The following SH3D19 variants were observed in gnomAD, a reference collection of about 807,000 sequenced individuals.
SH3D19 encodes the protein SH3 domain containing 19.
In SH3D19, 58 loss-of-function variants were observed where a neutral mutation model predicts 112.1. That is an observed-to-expected ratio of 0.52 (90% CI 0.42 to 0.64). The LOEUF is 0.64. Among genes scored for constraint, SH3D19 ranks in the 30% least tolerant of loss-of-function variants. The pLI, the probability that SH3D19 is intolerant of heterozygous loss-of-function variation, is 0.00. For synonymous variants in SH3D19, 391 were observed against 448.5 expected, an observed-to-expected ratio of 0.87 and a Z score of 1.62; for missense variants, 1,090 against 1,263.4, an observed-to-expected ratio of 0.86 and a Z score of 2.08.
At chr4:151,282,127 C>T in intron 1 of SH3D19, 3 of 1,611,558 alleles carry the variant, frequency 1.9e-6, no homozygotes, top group Non-Finnish European at 2.5e-6. Context: ...CATAAGCAGG[C>T]CTCCTTTCTT....
In SH3D19 at chr4:151,121,259, G is replaced by T. The variant is rs141403048; in HGVS notation, c.*832C>A. 5.5e-3 allele frequency: 844 copies of T among 152,684 alleles called. 1 individual carries two copies. The highest frequency in any genetic ancestry group is 0.014 in the Middle Eastern group (4 of 294). 9.5% of individuals were successfully genotyped at this position (152,684 alleles called of 1,614,324 possible). A position where few individuals can be genotyped will look rare whatever the true frequency, so the allele number is the denominator to read the frequency against. ...ATTACTGGAATAATGCAAAGAAAATGAATTTTCCTTTGGGTCCAGTAATTG... is the reference window on the plus strand; with the variant it reads ...ATTACTGGAATAATGCAAAGAAAATTAATTTTCCTTTGGGTCCAGTAATTG... On this transcript the variant is annotated 3_prime_UTR_variant, in exon 20 of 20. Coordinates refer to ENST00000604030, the MANE Select transcript of SH3D19 (RefSeq NM_001378122.1).
chr4:151,261,881 G>C (rs762774244), intron 1 of SH3D19, among the ~76,000 whole-genome samples: 2 of 152,064 alleles, frequency 1.3e-5, no homozygotes, highest in Non-Finnish European at 2.9e-5. Context: ...GGTGGATAGG[G>C]GAAGGAGACA....
intron 1 of SH3D19, among the ~76,000 whole-genome samples, chr4:151,238,476 T>C (rs74664063): frequency 0.1 from 15,222 of 152,266 alleles, 1,498 homozygotes; most frequent in African/African-American, 0.25. Context: ...CCACTTTTTA[T>C]TGTCTTCTCT....
chr4:151,236,651 T>C lies in SH3D19; in HGVS notation c.113-10565A>G, dbSNP rs1004507640. ...GACTTGGAGAACTTTTGTGTCTAGC[T>C]AAAGGATTGTAAATGCACCAATCAG... On this transcript the variant is annotated intron_variant, in intron 1 of 19. Coordinates refer to ENST00000604030, the MANE Select transcript of SH3D19 (RefSeq NM_001378122.1). Among the ~76,000 whole-genome samples, 4 of 152,048 alleles carry C rather than the reference T, an allele frequency of 2.6e-5. No individual in the cohort carries two copies. The South Asian group carries it at 8.3e-4, about 32-fold the overall frequency.
rs70941490 is a variant in SH3D19 at position 151,256,694 on chromosome 4, G to GTT, written c.113-30610_113-30609dup. ...GTGTATGGTACACTTTTGTTTTGTTGTTTTTTTTTTTTTTTGGCTTGGCCT... is the reference window on the plus strand; with the variant it reads ...GTGTATGGTACACTTTTGTTTTGTTGTTTTTTTTTTTTTTTTTGGCTTGGCCT... On this transcript the variant is annotated intron_variant, in intron 1 of 19. Transcript: ENST00000604030. Among the ~76,000 whole-genome samples, 1,047 of 134,146 alleles carry GTT rather than the reference G, an allele frequency of 7.8e-3. 11 individuals carry two copies. The highest frequency in any genetic ancestry group is 0.018 in the East Asian group (84 of 4,544). The allele number at this position is 134,146 out of a possible 152,430, so 88.0% of individuals were successfully genotyped here.
chr4:151,134,132 T>C (rs1158317594), intron 15 of SH3D19, among the ~76,000 whole-genome samples: 2 of 152,246 alleles, frequency 1.3e-5, no homozygotes, highest in African/African-American at 2.4e-5. Flanking sequence ...TGCTTAAAAA[T>C]AGAGAAAAAC....
chr4:151,127,102 G>A (rs1425636348), intron 19 of SH3D19, among the ~76,000 whole-genome samples: 2 of 151,812 alleles, frequency 1.3e-5, no homozygotes, highest in African/African-American at 2.4e-5. Context: ...TAGTAGAGAC[G>A]GGGTTTCACC....
At chr4:151,158,961 C>T (rs1011561866) in intron 9 of SH3D19, among the ~76,000 whole-genome samples, 1 of 152,092 alleles carries the variant, frequency 6.6e-6, no homozygotes, top group South Asian at 2.1e-4. Context: ...ATTTTAATAA[C>T]CTTCTCCTTA....
chr4:151,177,729 ATC>A (rs955513924), intron 4 of SH3D19, among the ~76,000 whole-genome samples: 59 of 152,038 alleles, frequency 3.9e-4, no homozygotes, highest in Admixed American at 8.5e-4. Context: ...GCCTTACTTC[ATC>A]TCTGTTTCAA....
At chr4:151,222,772 A>C (rs1390909262) in intron 2 of SH3D19, among the ~76,000 whole-genome samples, 1 of 144,298 alleles carries the variant, frequency 6.9e-6, no homozygotes, top group African/African-American at 2.6e-5. Context: ...TCCCGGGTTC[A>C]AGTAATTCTC....
intron 2 of SH3D19, among the ~76,000 whole-genome samples, chr4:151,190,088 A>C (rs1561310577): frequency 6.6e-6 from 1 of 152,198 alleles, no homozygotes; most frequent in Non-Finnish European, 1.5e-5. Context: ...TTTAGCAAAG[A>C]GACTGGTGGC....
At chr4:151,137,112 C>T in intron 14 of SH3D19, among the ~76,000 whole-genome samples, 1 of 152,182 alleles carries the variant, frequency 6.6e-6, no homozygotes, top group Non-Finnish European at 1.5e-5. Context: ...GGCTTACACA[C>T]AGCTCTCACA....
chr4:151,171,301 T>C (rs1759004047), intron 7 of SH3D19, among the ~76,000 whole-genome samples: 1 of 152,058 alleles, frequency 6.6e-6, no homozygotes, highest in Non-Finnish European at 1.5e-5. Context: ...TGTCAGATTC[T>C]CAGAGTTTGG....
intron 12 of SH3D19, chr4:151,140,133 T>C: frequency 3.0e-6 from 1 of 334,428 alleles, no homozygotes; most frequent in Non-Finnish European, 5.5e-6. Context: ...GAACTGTTTA[T>C]TTATTTTGAA....
chr4:151,304,301 A>C (rs1728736253), intron 1 of SH3D19, among the ~76,000 whole-genome samples: 2 of 152,198 alleles, frequency 1.3e-5, no homozygotes, highest in Admixed American at 1.3e-4. Context: ...TGTAGCAACT[A>C]ATGAAACACT....
intron 2 of SH3D19, among the ~76,000 whole-genome samples, chr4:151,197,355 C>A (rs1334060478): frequency 6.6e-6 from 1 of 152,226 alleles, no homozygotes; most frequent in Non-Finnish European, 1.5e-5. Flanking sequence ...TCACCACACC[C>A]AGCCTTCTAA....
rs763143543 is a variant in SH3D19, at chr4:151,147,992, A to C, written c.2012T>G (p.Val671Gly). ...TAGCACCGGATCTTGATTTTTAAAA[A>C]CTTGACTCTTGGCTTTTGAGAGTCC... is the stretch of plus-strand genomic sequence containing the variant. ...ATGLSKAKSQVFKNQDPVLPP... is the reference protein window; with the variant it reads ...ATGLSKAKSQGFKNQDPVLPP... Residue 671 changes from valine to glycine, a missense_variant, in exon 11 of 20, where the codon GTT (valine) becomes GGT (glycine). By Grantham distance (109) the Val-to-Gly change is moderately radical. Transcript: ENST00000604030. 2.5e-5 allele frequency: 40 copies of C among 1,614,008 alleles called. No individual in the cohort carries two copies. The highest frequency in any genetic ancestry group is 3.3e-5 in the Non-Finnish European group (39 of 1,180,016).
chr4:151,125,505 AAAG>A lies in SH3D19; in HGVS notation c.3027+2110_3027+2112del, dbSNP rs1313139410. Among the ~76,000 whole-genome samples the A allele has an allele frequency of 4.1e-3, 611 of 150,814 alleles. 2 individuals are homozygous for A. The highest frequency in any genetic ancestry group is 0.014 in the African/African-American group (565 of 40,858). ...ACAAAACAAAACCAAAAAAAAAAAA[AAAG>A]AAAGAAAGAAAGAAAGGAAGGAAAG... On this transcript the variant is annotated intron_variant, in intron 19 of 19. Coordinates refer to ENST00000604030, the MANE Select transcript of SH3D19 (RefSeq NM_001378122.1).
chr4:151,165,398 C>T (rs894924208), intron 8 of SH3D19, among the ~76,000 whole-genome samples, 191 bp downstream of exon 8: 3 of 151,818 alleles, frequency 2.0e-5, no homozygotes, highest in Admixed American at 6.6e-5. Flanking sequence ...GAAAGGGAAG[C>T]GAAGGGGAAA....
Sources: gnomAD v4.1 joint callset for allele counts (sites outside exome capture counted in the v4.1 genomes callset) on GRCh38, gnomAD v4.1.1 for gene constraint, MANE v1.5 for transcripts, NCBI Gene and HGNC (gene_info 2026-07-23, HGNC 2026-07-21) for gene names.